Variants in NYAP2 observed in about 807,000 individuals in gnomAD.
NYAP2 encodes neuronal tyrosine-phosphorylated phosphoinositide-3-kinase adapter 2.
A neutral mutation model predicts 50.4 loss-of-function variants in NYAP2; 23 were observed. The observed-to-expected ratio is 0.46, with a 90% confidence interval of 0.33 to 0.65. NYAP2 has a LOEUF of 0.65. NYAP2 is among the 30% of genes least tolerant of loss of function. The pLI is 0.02. For missense variants in NYAP2, 885 were observed against 861.0 expected (o/e 1.03, Z -0.35); for synonymous variants, 394 against 365.2 (o/e 1.08, Z -0.90).
intron 3 of NYAP2, among the ~76,000 whole-genome samples, chr2:225,417,982 G>T (rs1574604341): frequency 6.6e-6 from 1 of 151,666 alleles, no homozygotes; most frequent in African/African-American, 2.4e-5. Flanking sequence ...TATAGAGTAA[G>T]TGCAAATGTA....
At chr2:225,473,613 A>T (rs977359987) in intron 3 of NYAP2, among the ~76,000 whole-genome samples, 2 of 152,186 alleles carry the variant, frequency 1.3e-5, no homozygotes, top group African/African-American at 4.8e-5. Flanking sequence ...TCTTCTTTTG[A>T]GAAGTGTCTG....
At chr2:225,546,112 G>T (rs1691576543) in intron 4 of NYAP2, among the ~76,000 whole-genome samples, 1 of 152,072 alleles carries the variant, frequency 6.6e-6, no homozygotes, top group African/African-American at 2.4e-5. Flanking sequence ...ACCACCGCTG[G>T]GACTGCACTG....
At chr2:225,560,497 T>A (rs1691852731) in intron 4 of NYAP2, among the ~76,000 whole-genome samples, 1 of 152,144 alleles carries the variant, frequency 6.6e-6, no homozygotes, top group Admixed American at 6.6e-5. Flanking sequence ...TGATACATGA[T>A]GCTAAATTGC....
chr2:225,621,090 G>A (rs1410616913), intron 5 of NYAP2, among the ~76,000 whole-genome samples: 1 of 148,626 alleles, frequency 6.7e-6, no homozygotes, highest in Non-Finnish European at 1.5e-5. Context: ...CTCCAGCCTG[G>A]GCGACCAGCG....
intron 4 of NYAP2, among the ~76,000 whole-genome samples, chr2:225,554,207 G>GTTTTTTTTTTTT (rs1203110757): frequency 9.1e-6 from 1 of 109,864 alleles, no homozygotes; most frequent in Non-Finnish European, 2.0e-5. Flanking sequence ...TATTGTTGTT[G>GTTTTTTTTTTTT]TTTTTTTTTT....
Position 225,582,815 on chromosome 2 carries a change from A to T in NYAP2, c.1398A>T (p.Ser466=), listed in dbSNP as rs758865113. Residue 466 remains serine, a synonymous_variant, in exon 5 of 7, where the codon TCA becomes TCT. Coordinates refer to ENST00000636099, the Ensembl canonical transcript of NYAP2. This position sits in a 1 kb window ranked among gnomAD's most constrained non-coding sequence, Gnocchi z 7.0. ...ACGCTGTGCATTCGGGCAGCCTCTC[A>T]AGGAGCTCTCCTTCAGTGCCTCACT... is the stretch of plus-strand genomic sequence containing the variant. 1 of 1,613,794 alleles carries T rather than the reference A, an allele frequency of 6.2e-7. No individual in the cohort carries two copies. The highest frequency in any genetic ancestry group is 1.1e-5 in the South Asian group (1 of 91,084).
At chr2:225,502,333 G>C (rs1351756706) in intron 3 of NYAP2, among the ~76,000 whole-genome samples, 3 of 152,180 alleles carry the variant, frequency 2.0e-5, no homozygotes, top group African/African-American at 7.2e-5. Flanking sequence ...TGTATGAGTA[G>C]TCACAGACTT....
At chr2:225,579,720 C>T (rs1692238837) in intron 4 of NYAP2, among the ~76,000 whole-genome samples, 1 of 152,182 alleles carries the variant, frequency 6.6e-6, no homozygotes, top group African/African-American at 2.4e-5. Context: ...AGCCTCACTA[C>T]CTGAGAATCC....
chr2:225,432,713 C>G (rs1398133037), intron 3 of NYAP2, among the ~76,000 whole-genome samples: 1 of 152,086 alleles, frequency 6.6e-6, no homozygotes, highest in African/African-American at 2.4e-5. Context: ...AAAGACTCTT[C>G]CCTCCCTTCT....
At chr2:225,679,707 A>G in the NYAP2 span, among the ~76,000 whole-genome samples, 15 of 151,762 alleles carry the variant, frequency 9.9e-5, no homozygotes, top group African/African-American at 3.6e-4. Context: ...GTTGCCCAGG[A>G]TGGTCTTGAT....
intron 3 of NYAP2, among the ~76,000 whole-genome samples, chr2:225,444,067 T>A (rs1689513816): frequency 6.6e-6 from 1 of 152,212 alleles, no homozygotes; most frequent in Non-Finnish European, 1.5e-5. Flanking sequence ...ATAATGACAA[T>A]CATCTGCTCA....
chr2:225,436,746 A>G (rs1220267348), intron 3 of NYAP2, among the ~76,000 whole-genome samples: 1 of 150,482 alleles, frequency 6.6e-6, no homozygotes, highest in Non-Finnish European at 1.5e-5. Flanking sequence ...AGTCAAAAAA[A>G]AAAAAAAAAA....
chr2:225,636,774 A>G (rs1693426404), intron 6 of NYAP2, among the ~76,000 whole-genome samples: 1 of 152,150 alleles, frequency 6.6e-6, no homozygotes, highest in South Asian at 2.1e-4. Flanking sequence ...CAACCCTGCC[A>G]CCACCATGTG....
chr2:225,444,345 C>A (rs1008831569), intron 3 of NYAP2, among the ~76,000 whole-genome samples: 1 of 152,180 alleles, frequency 6.6e-6, no homozygotes, highest in Non-Finnish European at 1.5e-5. Flanking sequence ...GTTTCTTTCT[C>A]TTAGTACACA....
At position 225,530,370 on chromosome 2, in the gene NYAP2, A is replaced by G. The variant is rs1310627162; in HGVS notation, c.523+16698A>G. ...AGGCCTCCACCCTCATCCAAAATCC[A>G]CTGCTCTCTGATGCCCTAGCCATGA... On this transcript the variant is annotated intron_variant, in intron 4 of 6. Transcript: ENST00000636099. 3.3e-5 allele frequency among the ~76,000 whole-genome samples: 5 copies of G among 151,898 alleles called. No homozygotes were observed. The East Asian group carries it at 7.8e-4, about 24-fold the overall frequency.
At chr2:225,450,236 A>G (rs1689629003) in intron 3 of NYAP2, among the ~76,000 whole-genome samples, 1 of 152,152 alleles carries the variant, frequency 6.6e-6, no homozygotes, top group Non-Finnish European at 1.5e-5. Context: ...GTGTGAGGGT[A>G]GCCTCATGTG....
intron 4 of NYAP2, among the ~76,000 whole-genome samples, chr2:225,538,799 TTTCTTTC>T (rs1691401305): frequency 1.9e-5 from 1 of 53,434 alleles, no homozygotes; most frequent in Non-Finnish European, 3.7e-5. Flanking sequence ...TCTTTCTTTC[TTTCTTTC>T]TTTCTTTCTT....
chr2:225,433,362 A>T (rs914162138), intron 3 of NYAP2, among the ~76,000 whole-genome samples: 106 of 17,630 alleles, frequency 6.0e-3, no homozygotes, highest in Non-Finnish European at 0.018. Context: ...TCTGTTTAAA[A>T]AAAAAAAAAG....
the NYAP2 span, among the ~76,000 whole-genome samples, chr2:225,671,736 G>A: frequency 6.6e-6 from 1 of 152,040 alleles, no homozygotes; most frequent in African/African-American, 2.4e-5. Context: ...TTATGAAATA[G>A]ATTTCTTAAA....
Sources: allele counts gnomAD v4.1 joint callset (sites outside exome capture counted in the v4.1 genomes callset), GRCh38; gene constraint gnomAD v4.1.1; non-coding constraint Gnocchi (gnomAD v3.1); transcripts MANE v1.5; gene names NCBI Gene and HGNC (gene_info 2026-07-23, HGNC 2026-07-21).